Variants in CAP1 observed in about 807,000 individuals in gnomAD.
CAP1 encodes the protein cyclase associated actin cytoskeleton regulatory protein 1.
A neutral mutation model predicts 58.2 loss-of-function variants in CAP1; 11 were observed. That is an observed-to-expected ratio of 0.19 (90% CI 0.12 to 0.31). The LOEUF (loss-of-function observed/expected upper bound fraction) is 0.31, where lower values mean the gene tolerates loss of function less well. Ranked by LOEUF, CAP1 falls within the 10% of genes least tolerant of loss-of-function variation. The pLI, the probability that CAP1 is intolerant of heterozygous loss-of-function variation, is 1.00. For synonymous variants in CAP1, 183 were observed against 213.8 expected (o/e 0.86, Z 1.26); for missense variants, 423 against 587.5 (o/e 0.72, Z 2.89).
In CAP1 at chr1:40,066,956, T is replaced by A. The variant is rs753780874; in HGVS notation, c.631-584T>A. Among the ~76,000 whole-genome samples, 3 of 152,342 alleles carry A rather than the reference T, an allele frequency of 2.0e-5. No individual in the cohort carries two copies. The South Asian group carries it at 6.2e-4, about 32-fold the overall frequency. Reference sequence around the variant, plus strand: ...TATTTGAGCAAGGGAGTGATAATGATTCAATTTGTCTTTAAAAGAGTCTCA... The same window carrying A: ...TATTTGAGCAAGGGAGTGATAATGAATCAATTTGTCTTTAAAAGAGTCTCA... On this transcript the variant is annotated intron_variant, in intron 7 of 12. Transcript: ENST00000372805.
rs186326413 is a variant in CAP1, at chr1:40,072,231, C to T, written c.*698C>T. The T allele has an allele frequency of 1.0e-5, 4 of 382,032 alleles. No homozygotes were observed. Among genetic ancestry groups the T allele is most frequent in the Non-Finnish European group, 1.8e-5 (4 of 219,836 alleles). The allele number at this position is 382,032 out of a possible 1,614,324, so 23.7% of individuals were successfully genotyped here. A position where few individuals can be genotyped will look rare whatever the true frequency, so the allele number is the denominator to read the frequency against. On this transcript the variant is annotated 3_prime_UTR_variant, in exon 13 of 13. Transcript: ENST00000372805. ...TCTGGGATCCCTGCCCAGCACCTTC[C>T]TATAGAGATGACTTTAAAAGGAAAA...
chr1:40,050,064 A>G (rs574580647), intron 1 of CAP1, among the ~76,000 whole-genome samples: 1 of 152,268 alleles, frequency 6.6e-6, no homozygotes, highest in Non-Finnish European at 1.5e-5. Context: ...CTGCCTCCAG[A>G]AGTCTCGGGT....
At chr1:40,042,333 G>T (rs1645874455) in intron 1 of CAP1, among the ~76,000 whole-genome samples, 1 of 152,230 alleles carries the variant, frequency 6.6e-6, no homozygotes, top group African/African-American at 2.4e-5. Flanking sequence ...ATAGCACAGG[G>T]CTACAAGAGC....
intron 11 of CAP1, 102 bp downstream of exon 11, chr1:40,070,614 A>C: frequency 9.2e-7 from 1 of 1,085,650 alleles, no homozygotes. Context: ...TGATTCTACA[A>C]AGTCTGTAAG....
Position 40,070,990 on chromosome 1 carries a change from T to C in CAP1, c.1344+11T>C, listed in dbSNP as rs1647839732. The C allele has an allele frequency of 1.9e-6, 3 of 1,606,666 alleles. No individual in the cohort carries two copies. Among genetic ancestry groups the C allele is most frequent in the Non-Finnish European group, 1.7e-6 (2 of 1,176,846 alleles). ...GAAGGCGGTGACTTTGTAAGTTTCT[T>C]GATCTCTTTAGTATGATGTTAAAAA... On this transcript the variant is annotated intron_variant, in intron 12 of 12. Transcript: ENST00000372805.
chr1:40,064,600 A>G (rs1366701913), intron 6 of CAP1, 41 bp downstream of exon 6: 1 of 1,495,708 alleles, frequency 6.7e-7, no homozygotes, highest in Non-Finnish European at 9.3e-7. Context: ...TTTCTGAGAC[A>G]GTGTCTTGCG....
In CAP1 at chr1:40,065,557, T is replaced by C. The variant is rs111341555; in HGVS notation, c.525-658T>C. On this transcript the variant is annotated intron_variant, in intron 6 of 12. Coordinates refer to ENST00000372805, the MANE Select transcript of CAP1 (RefSeq NM_006367.4). The stretch of plus-strand genomic sequence containing the variant: ...AATTAAGCATGACAGTGTTTTGATA[T>C]ATCCCACCATTATCCCATCACTTTA... Among the ~76,000 whole-genome samples the C allele has an allele frequency of 3.3e-4, 50 of 152,340 alleles. 1 individual carries two copies. The highest frequency in any genetic ancestry group is 1.1e-3 in the African/African-American group (47 of 41,574).
chr1:40,054,266 CT>C (rs972003510), intron 1 of CAP1, among the ~76,000 whole-genome samples: 1 of 148,306 alleles, frequency 6.7e-6, no homozygotes, highest in Non-Finnish European at 1.5e-5. Context: ...TCTCAGCTTA[CT>C]GCAACCTCCA....
At position 40,064,246 on chromosome 1, in the gene CAP1, T is replaced by G; in HGVS notation, c.314T>G (p.Leu105Trp). 1 of 1,614,198 alleles carries G rather than the reference T, an allele frequency of 6.2e-7. No homozygotes were observed. Among genetic ancestry groups the G allele is most frequent in the Non-Finnish European group, 8.5e-7 (1 of 1,180,020 alleles). Residue 105 changes from leucine (L) to tryptophan (W), a missense_variant, in exon 5 of 13, where the codon TTG (leucine) becomes TGG (tryptophan). By Grantham distance (61) the Leu-to-Trp change is moderately conservative (BLOSUM62 -2). Coordinates refer to ENST00000372805, the MANE Select transcript of CAP1 (RefSeq NM_006367.4). ...QPAENKLSDLLAPISEQIKEV... is the reference protein window; with the variant it reads ...QPAENKLSDLWAPISEQIKEV... ...TCCTAGAATAAGCTTTCCGATTTGT[T>G]GGCACCCATCTCAGAGCAGATCAAA...
intron 1 of CAP1, among the ~76,000 whole-genome samples, chr1:40,043,432 G>T (rs1229913525): frequency 3.3e-5 from 5 of 152,010 alleles, no homozygotes; most frequent in Non-Finnish European, 2.9e-5. Flanking sequence ...TCCTGACCTC[G>T]TGATCCGCCT....
At position 40,069,850 on chromosome 1, in the gene CAP1, A is replaced by G; in HGVS notation, c.969A>G (p.Glu323=). The G allele has an allele frequency of 1.3e-6, 2 of 1,582,634 alleles. No homozygotes were observed. The highest frequency in any genetic ancestry group is 1.7e-6 in the Non-Finnish European group (2 of 1,167,310). ...RATKKEPAVL[E]LEGKKWRVEN... ...CAAAGAAGGAGCCAGCTGTACTTGA[A>G]CTGGAGGGCAAGAAGTGGAGAGTGG... The change falls in exon 9 of 13, where the codon GAA becomes GAG. Residue 323 remains glutamate, a synonymous_variant. Transcript: ENST00000372805.
At chr1:40,044,386 C>T (rs953190555) in intron 1 of CAP1, among the ~76,000 whole-genome samples, 3 of 152,144 alleles carry the variant, frequency 2.0e-5, no homozygotes, top group African/African-American at 7.2e-5. Flanking sequence ...AGTTCTCGAG[C>T]GGTATCTTAC....
At chr1:40,053,472 T>C (rs3131680) in intron 1 of CAP1, among the ~76,000 whole-genome samples, 127,082 of 151,868 alleles carry the variant, frequency 0.84, 53,167 homozygotes, top group East Asian at 0.88. Flanking sequence ...TTTTTTGAGA[T>C]GGAGTTTTGC....
In CAP1 at chr1:40,069,063, A is replaced by T. The variant is rs139764342; in HGVS notation, c.809-627A>T. On this transcript the variant is annotated intron_variant, in intron 8 of 12. Transcript: ENST00000372805. ...GTAGCCAGGCTGGTTTTGAACTCCT[A>T]ACTTCAGGTGATCCGCCTGCCTTGG... Among the ~76,000 whole-genome samples, 3 of 152,274 alleles carry T rather than the reference A, an allele frequency of 2.0e-5. No individual in the cohort carries two copies. The East Asian group carries it at 5.8e-4, about 29-fold the overall frequency.
At chr1:40,053,418 C>T (rs1363043512) in intron 1 of CAP1, among the ~76,000 whole-genome samples, 1 of 151,854 alleles carries the variant, frequency 6.6e-6, no homozygotes, top group Admixed American at 6.6e-5. Context: ...TACTCTAGGC[C>T]TAGGTTCTTT....
At chr1:40,057,842 T>C (rs908432783) in intron 1 of CAP1, among the ~76,000 whole-genome samples, 3 of 152,232 alleles carry the variant, frequency 2.0e-5, no homozygotes, top group African/African-American at 7.2e-5. Context: ...AGTCAAAGCT[T>C]GGATTGAAAT....
At chr1:40,051,877 TTTG>T (rs539603793) in intron 1 of CAP1, among the ~76,000 whole-genome samples, 201 of 152,266 alleles carry the variant, frequency 1.3e-3, no homozygotes, top group African/African-American at 4.7e-3. Context: ...CCTGTTTTTT[TTTG>T]TTTTGTTTTG....
intron 1 of CAP1, among the ~76,000 whole-genome samples, chr1:40,048,564 G>A (rs1056446190): frequency 1.3e-5 from 2 of 152,150 alleles, no homozygotes; most frequent in Non-Finnish European, 1.5e-5. Context: ...GTCAAGTAGA[G>A]ATTTTTATTA....
chr1:40,059,317 C>T lies in CAP1; in HGVS notation c.-10-20C>T, dbSNP rs199616152. 4.6e-4 allele frequency: 605 copies of T among 1,324,776 alleles called. No individual in the cohort carries two copies. The highest frequency in any genetic ancestry group is 5.6e-4 in the Non-Finnish European group (517 of 916,304). The allele number at this position is 1,324,776 out of a possible 1,614,324, so 82.1% of individuals were successfully genotyped here. ...TATTTAATATTTAAATAACAAATGACATTTGATCTGTTTCAGCAGGTGGTC... is the reference window on the plus strand; with the variant it reads ...TATTTAATATTTAAATAACAAATGATATTTGATCTGTTTCAGCAGGTGGTC... On this transcript the variant is annotated intron_variant, in intron 1 of 12. Coordinates refer to ENST00000372805, the MANE Select transcript of CAP1 (RefSeq NM_006367.4).
Sources: gnomAD v4.1 joint callset for allele counts (sites outside exome capture counted in the v4.1 genomes callset) on GRCh38, gnomAD v4.1.1 for gene constraint, MANE v1.5 for transcripts, NCBI Gene and HGNC (gene_info 2026-07-23, HGNC 2026-07-21) for gene names.